Variants in GRIP1 observed in about 807,000 individuals in gnomAD.
GRIP1 encodes glutamate receptor-interacting protein 1.
A neutral mutation model predicts 129.9 loss-of-function variants in GRIP1; 45 were observed. That is an observed-to-expected ratio of 0.35 (90% CI 0.27 to 0.44). The LOEUF is 0.44. GRIP1 is among the 20% of genes least tolerant of loss of function. The probability of loss-of-function intolerance (pLI) is 1.00; values close to 1 mark genes in which losing one functional copy is unlikely to be tolerated. For synonymous variants in GRIP1, 530 were observed against 520.8 expected, an observed-to-expected ratio of 1.02 and a Z score of -0.24; for missense variants, 1,196 against 1,396.8, an observed-to-expected ratio of 0.86 and a Z score of 2.29.
chr12:66,716,179 T>C (rs2035881669), intron 1 of GRIP1, among the ~76,000 whole-genome samples: 1 of 152,052 alleles, frequency 6.6e-6, no homozygotes, highest in Non-Finnish European at 1.5e-5. Context: ...TGAGAAGCAT[T>C]AAAAAAAGAT....
At chr12:66,582,291 C>T (rs1299913262) in intron 2 of GRIP1, among the ~76,000 whole-genome samples, 1 of 140,154 alleles carries the variant, frequency 7.1e-6, no homozygotes, top group African/African-American at 2.6e-5. Context: ...AAACCAACAG[C>T]CAATATCATA....
chr12:66,917,981 G>C (rs566240741), intron 1 of GRIP1, among the ~76,000 whole-genome samples: 1,657 of 149,386 alleles, frequency 0.011, 30 homozygotes, highest in African/African-American at 0.039. Context: ...CACACGGAGA[G>C]AGAGAGAGAG....
intron 1 of GRIP1, among the ~76,000 whole-genome samples, chr12:66,777,923 TCA>T (rs1278598855): frequency 1.3e-5 from 2 of 152,248 alleles, no homozygotes; most frequent in South Asian, 2.1e-4. Flanking sequence ...CCTCCCTCTC[TCA>T]GTGTAATCCA....
intron 1 of GRIP1, among the ~76,000 whole-genome samples, chr12:66,845,996 T>C (rs940191657): frequency 6.6e-6 from 1 of 152,194 alleles, no homozygotes; most frequent in Non-Finnish European, 1.5e-5. Flanking sequence ...CAAATTTGCA[T>C]CACACATTGT....
intron 1 of GRIP1, among the ~76,000 whole-genome samples, chr12:66,919,791 A>T (rs2041183701): frequency 1.3e-5 from 2 of 152,218 alleles, no homozygotes; most frequent in Non-Finnish European, 2.9e-5. Flanking sequence ...AGGATAAAGC[A>T]GACACTCAAA....
chr12:66,975,074 A>C (rs2042132108), intron 1 of GRIP1, among the ~76,000 whole-genome samples: 1 of 152,084 alleles, frequency 6.6e-6, no homozygotes, highest in South Asian at 2.1e-4. Context: ...TGGCTTTTTT[A>C]TATGGATTTG....
rs781556615 is a variant in GRIP1, at chr12:66,804,170, C to T, written c.-537G>A. 95 of 455,668 alleles carry T rather than the reference C, an allele frequency of 2.1e-4. 1 individual carries two copies. Among genetic ancestry groups the T allele is most frequent in the African/African-American group, 1.8e-3 (90 of 50,144 alleles). The allele number at this position is 455,668 out of a possible 1,614,324, so 28.2% of individuals were successfully genotyped here. A position where few individuals can be genotyped will look rare whatever the true frequency, so the allele number is the denominator to read the frequency against. On this transcript the variant is annotated 5_prime_UTR_variant, in exon 1 of 5. Coordinates refer to the GRIP1 transcript ENST00000538373. ...GATCTTCTTATCGCCTTGACAAAACCCAGGAAGCGGTCCATCTCTTACTCA... is the reference window on the plus strand; with the variant it reads ...GATCTTCTTATCGCCTTGACAAAACTCAGGAAGCGGTCCATCTCTTACTCA...
chr12:66,520,334 A>C (rs1439373943), intron 5 of GRIP1, among the ~76,000 whole-genome samples: 1 of 152,160 alleles, frequency 6.6e-6, no homozygotes, highest in Non-Finnish European at 1.5e-5. Flanking sequence ...CTCCAGATGG[A>C]CCTCTAACTA....
chr12:66,567,974 C>A, intron 2 of GRIP1: 1 of 180,636 alleles, frequency 5.5e-6, no homozygotes, highest in Non-Finnish European at 1.2e-5. Context: ...TGTGGCCCCA[C>A]CCTATGTTGT....
intron 2 of GRIP1, chr12:66,568,963 T>A: frequency 1.9e-6 from 1 of 516,636 alleles, no homozygotes; most frequent in Non-Finnish European, 3.9e-6. Flanking sequence ...ACTAGGTTGA[T>A]ACACTGCATC....
intron 1 of GRIP1, among the ~76,000 whole-genome samples, chr12:66,881,186 AAG>A (rs1035279853): frequency 4.2e-5 from 1 of 23,994 alleles, no homozygotes; most frequent in African/African-American, 4.5e-5. Context: ...GCTACAGAAA[AAG>A]AGAGAAAAAA....
At chr12:66,420,546 T>A (rs2057769458) in intron 15 of GRIP1, among the ~76,000 whole-genome samples, 174 bp downstream of exon 15, 1 of 151,096 alleles carries the variant, frequency 6.6e-6, no homozygotes, top group Admixed American at 6.7e-5. Flanking sequence ...CAGGAAGAGA[T>A]CTATGGAGCC....
At chr12:66,737,310 G>T (rs921378362) in intron 1 of GRIP1, among the ~76,000 whole-genome samples, 2 of 152,088 alleles carry the variant, frequency 1.3e-5, no homozygotes, top group Non-Finnish European at 2.9e-5. Flanking sequence ...TTGAGATGGA[G>T]TCTCACTCTG....
chr12:66,853,980 TAAA>T (rs2039959317), intron 1 of GRIP1, among the ~76,000 whole-genome samples: 1 of 152,070 alleles, frequency 6.6e-6, no homozygotes, highest in Non-Finnish European at 1.5e-5. Context: ...TTAAGGTTAA[TAAA>T]TAATGAATCT....
At chr12:66,864,579 A>G (rs1453378858) in intron 1 of GRIP1, among the ~76,000 whole-genome samples, 1 of 151,622 alleles carries the variant, frequency 6.6e-6, no homozygotes, top group African/African-American at 2.4e-5. Context: ...ATAGCTGGGT[A>G]TGGTGGTGTG....
chr12:66,743,437 AC>A (rs1414006766), intron 1 of GRIP1, among the ~76,000 whole-genome samples: 1 of 152,074 alleles, frequency 6.6e-6, no homozygotes, highest in Admixed American at 6.6e-5. Flanking sequence ...ATGAGGAGGA[AC>A]CCTTTCAGAA....
chr12:66,502,146 A>G (rs2060410212), intron 7 of GRIP1, among the ~76,000 whole-genome samples: 1 of 152,220 alleles, frequency 6.6e-6, no homozygotes, highest in African/African-American at 2.4e-5. Context: ...GTCCAGAGAC[A>G]GAATAGTGGA....
At chr12:66,800,847 C>T (rs964917493) in intron 1 of GRIP1, among the ~76,000 whole-genome samples, 20 of 152,010 alleles carry the variant, frequency 1.3e-4, no homozygotes, top group African/African-American at 4.1e-4. Flanking sequence ...GTAAATGGTG[C>T]TTCTTGGTGG....
At chr12:66,903,545 T>G (rs984798083) in intron 1 of GRIP1, among the ~76,000 whole-genome samples, 2 of 152,188 alleles carry the variant, frequency 1.3e-5, no homozygotes, top group African/African-American at 4.8e-5. Context: ...GAGCTTTGCC[T>G]AATGAAATTC....
Sources: gnomAD v4.1 joint callset for allele counts (sites outside exome capture counted in the v4.1 genomes callset) on GRCh38, gnomAD v4.1.1 for gene constraint, MANE v1.5 for transcripts, NCBI Gene and HGNC (gene_info 2026-07-23, HGNC 2026-07-21) for gene names.